CD99L2: variants seen among roughly 807,000 people sequenced by gnomAD.
CD99L2 encodes CD99 molecule like 2, also known as CD99 antigen-like protein 2.
CD99L2 carries 24 observed loss-of-function variants against 27.3 expected under a neutral mutation model. The ratio of observed to expected loss-of-function variants is 0.88; its 90% CI spans 0.64 to 1.24. The LOEUF is 1.24. Among genes scored for constraint, CD99L2 ranks in the 50% most tolerant of loss-of-function variants. CD99L2 has a pLI of 0.00. For synonymous variants in CD99L2, 97 were observed against 87.9 expected, an observed-to-expected ratio of 1.10 and a Z score of -0.58; for missense variants, 255 against 221.6, an observed-to-expected ratio of 1.15 and a Z score of -0.96.
At chrX:150,849,379 C>G (rs1405967285) in intron 1 of CD99L2, among the ~76,000 whole-genome samples, 1 of 110,821 alleles carries the variant, frequency 9.0e-6, no homozygotes, top group Admixed American at 9.6e-5. Context: ...TAGTGAGACC[C>G]TGTCCCTATA....
intron 1 of CD99L2, among the ~76,000 whole-genome samples, chrX:150,879,766 A>AG (rs1557422436): frequency 1.0e-5 from 1 of 99,011 alleles, no homozygotes; most frequent in East Asian, 3.1e-4. Context: ...AAAAAAAAAA[A>AG]AAAAAAAAAA....
At chrX:150,839,367 T>C (rs4378100) in intron 1 of CD99L2, among the ~76,000 whole-genome samples, 4 of 111,305 alleles carry the variant, frequency 3.6e-5, no homozygotes, top group African/African-American at 6.5e-5. Flanking sequence ...ATTAGGGAAA[T>C]TGTAACAGCT....
intron 4 of CD99L2, among the ~76,000 whole-genome samples, chrX:150,807,304 G>A (rs1325753734): frequency 9.0e-6 from 1 of 111,606 alleles, no homozygotes; most frequent in Non-Finnish European, 1.9e-5. Context: ...TTTGGGGCAG[G>A]TTGACCTGTT....
At chrX:150,865,583 T>C (rs2047048536) in intron 1 of CD99L2, among the ~76,000 whole-genome samples, 1 of 111,888 alleles carries the variant, frequency 8.9e-6, no homozygotes, top group Admixed American at 9.5e-5. Context: ...TGAACTCCAC[T>C]TTCTGCATCA....
intron 4 of CD99L2, among the ~76,000 whole-genome samples, chrX:150,812,748 A>G (rs1263929461): frequency 8.9e-6 from 1 of 112,333 alleles, no homozygotes; most frequent in Non-Finnish European, 1.9e-5. Flanking sequence ...ACTATACATG[A>G]CAGTTTACAG....
chrX:150,816,278 C>G, intron 2 of CD99L2, 200 bp from the exon 3 acceptor site: 3 of 420,964 alleles, frequency 7.1e-6, no homozygotes, highest in African/African-American at 2.5e-5. Context: ...GTTCTGCTCA[C>G]TTTTCTTTGG....
At chrX:150,857,879 C>T (rs1362536794) in intron 1 of CD99L2, among the ~76,000 whole-genome samples, 1 of 112,190 alleles carries the variant, frequency 8.9e-6, no homozygotes, top group Non-Finnish European at 1.9e-5. Flanking sequence ...AAATTCTCCA[C>T]TTTAAAAAAT....
At chrX:150,864,394 C>T (rs782229109) in intron 1 of CD99L2, among the ~76,000 whole-genome samples, 4 of 112,668 alleles carry the variant, frequency 3.6e-5, no homozygotes, top group Non-Finnish European at 7.5e-5. Context: ...TTCACATCTA[C>T]CATGAAGGCA....
intron 4 of CD99L2, among the ~76,000 whole-genome samples, chrX:150,806,076 C>T (rs1239918830): frequency 8.9e-6 from 1 of 111,875 alleles, no homozygotes; most frequent in Non-Finnish European, 1.9e-5. Flanking sequence ...ATAAGATCAC[C>T]AGACTATATC....
At chrX:150,842,463 T>C (rs2046636127) in intron 1 of CD99L2, among the ~76,000 whole-genome samples, 1 of 112,139 alleles carries the variant, frequency 8.9e-6, no homozygotes, top group South Asian at 3.7e-4. Flanking sequence ...CTGAACTGGC[T>C]GTGATCCAGC....
At chrX:150,818,097 T>C (rs1044511750) in intron 2 of CD99L2, among the ~76,000 whole-genome samples, 3 of 91,485 alleles carry the variant, frequency 3.3e-5, no homozygotes, top group Non-Finnish European at 6.7e-5. Flanking sequence ...AGCCCCAAAA[T>C]ACATGAAGCA....
chrX:150,824,215 G>A (rs1557420780), intron 2 of CD99L2, among the ~76,000 whole-genome samples: 2 of 67,897 alleles, frequency 2.9e-5, no homozygotes, highest in African/African-American at 1.2e-4. Context: ...AGGAAGAGGA[G>A]GAGGAAGAGG....
chrX:150,772,014 C>A (rs1394931620), intron 9 of CD99L2, among the ~76,000 whole-genome samples: 1 of 112,452 alleles, frequency 8.9e-6, no homozygotes, highest in Non-Finnish European at 1.9e-5. Flanking sequence ...CAGCCACCTC[C>A]TGCTGTCTCC....
Position 150,770,189 on chromosome X carries a change from G to A in CD99L2, c.721+115C>T, listed in dbSNP as rs112155432. On this transcript the variant is annotated intron_variant, in intron 10 of 10. Transcript: ENST00000370377. ...ATCAGGGCAGGCTTTTGCTCTGGCCGGACATTCTAGAAGCAGACGCCTCTG... is the reference window on the plus strand; with the variant it reads ...ATCAGGGCAGGCTTTTGCTCTGGCCAGACATTCTAGAAGCAGACGCCTCTG... 3,922 of 711,759 alleles carry A rather than the reference G, an allele frequency of 5.5e-3. 116 individuals are homozygous for A. The African/African-American group carries it at 0.073, about 13-fold the overall frequency. 58.7% of individuals were successfully genotyped at this position (711,759 alleles called of 1,213,427 possible).
chrX:150,893,073 C>T (rs181468447), intron 1 of CD99L2, among the ~76,000 whole-genome samples: 2 of 111,210 alleles, frequency 1.8e-5, no homozygotes, highest in Non-Finnish European at 3.8e-5. Context: ...GCAGTGAGAT[C>T]GCACTATTGC....
At chrX:150,798,181 A>G (rs1272121103) in intron 4 of CD99L2, among the ~76,000 whole-genome samples, 1 of 3,416 alleles carries the variant, frequency 2.9e-4, no homozygotes, top group African/African-American at 9.8e-4. Flanking sequence ...GGAAGGAAGG[A>G]AGGGAGGGAG....
At chrX:150,883,506 G>A (rs916769294) in intron 1 of CD99L2, among the ~76,000 whole-genome samples, 11 of 111,356 alleles carry the variant, frequency 9.9e-5, no homozygotes, top group African/African-American at 3.3e-4. Context: ...TCCACCCCCA[G>A]AGGATTGCAA....
rs149609253 is a variant in CD99L2, at chrX:150,865,456, C to T, written c.67+33066G>A. ...AGTTCAAGGCTGCAGTGAGCTATGACTGATTGACTGACAAATTAGATAGAC... is the reference window on the plus strand; with the variant it reads ...AGTTCAAGGCTGCAGTGAGCTATGATTGATTGACTGACAAATTAGATAGAC... On this transcript the variant is annotated intron_variant, in intron 1 of 10. Coordinates refer to ENST00000370377, the MANE Select transcript of CD99L2 (RefSeq NM_031462.4). Among the ~76,000 whole-genome samples, 573 of 111,731 alleles carry T rather than the reference C, an allele frequency of 5.1e-3. 7 individuals are homozygous for T. The highest frequency in any genetic ancestry group is 0.014 in the Middle Eastern group (3 of 217).
intron 4 of CD99L2, among the ~76,000 whole-genome samples, chrX:150,807,663 T>TA (rs2046014933): frequency 8.9e-6 from 1 of 112,534 alleles, no homozygotes; most frequent in Non-Finnish European, 1.9e-5. Context: ...CCCAGTGGTG[T>TA]AGATTATAAG....
Sources: gnomAD v4.1 joint callset for allele counts (sites outside exome capture counted in the v4.1 genomes callset) on GRCh38, gnomAD v4.1.1 for gene constraint, MANE v1.5 for transcripts, NCBI Gene and HGNC (gene_info 2026-07-23, HGNC 2026-07-21) for gene names.